TBCE: variants seen among roughly 807,000 people sequenced by gnomAD.
TBCE encodes tubulin-specific chaperone E.
In TBCE, 53 loss-of-function variants were observed where a neutral mutation model predicts 77.0. That is an observed-to-expected ratio of 0.69 (90% CI 0.55 to 0.87). The LOEUF (loss-of-function observed/expected upper bound fraction) is 0.87, where lower values mean the gene tolerates loss of function less well. Ranked by LOEUF, TBCE falls within the 40% of genes least tolerant of loss-of-function variation. The pLI is 0.00. For synonymous variants in TBCE, 235 were observed against 241.3 expected (o/e 0.97, Z 0.24); for missense variants, 624 against 622.4 (o/e 1.00, Z -0.03).
intron 11 of TBCE, 109 bp from the exon 12 acceptor site, chr1:235,437,213 C>T (rs1681518257): frequency 2.2e-6 from 3 of 1,360,770 alleles, no homozygotes; most frequent in Non-Finnish European, 3.1e-6. Flanking sequence ...GATGAAATTC[C>T]CTGCCTCAGA....
At chr1:235,374,461 A>G (rs890138757) in intron 1 of TBCE, among the ~76,000 whole-genome samples, 1 of 145,976 alleles carries the variant, frequency 6.9e-6, no homozygotes. Flanking sequence ...TGAAGACAGG[A>G]AGCAGGGAAA....
chr1:235,431,827 C>T (rs1681111236), intron 7 of TBCE, among the ~76,000 whole-genome samples: 1 of 151,236 alleles, frequency 6.6e-6, no homozygotes, highest in Non-Finnish European at 1.5e-5. Context: ...CATGTACCAC[C>T]ATGCCCAGCT....
At chr1:235,420,584 G>A (rs1221868920) in intron 5 of TBCE, among the ~76,000 whole-genome samples, 3 of 149,592 alleles carry the variant, frequency 2.0e-5, no homozygotes, top group Admixed American at 1.4e-4. Context: ...CCGGGTTCAA[G>A]CAATTCTCCT....
At chr1:235,388,151 T>C (rs1361401787) in intron 2 of TBCE, among the ~76,000 whole-genome samples, 1 of 152,164 alleles carries the variant, frequency 6.6e-6, no homozygotes, top group Non-Finnish European at 1.5e-5. Context: ...AATAACAACC[T>C]TAAAATATAG....
intron 1 of TBCE, among the ~76,000 whole-genome samples, chr1:235,369,780 C>T (rs1035009558): frequency 1.0e-4 from 15 of 150,674 alleles, no homozygotes; most frequent in African/African-American, 3.4e-4. Context: ...TGCAGTGAGC[C>T]GAGATTGTGC....
intron 2 of TBCE, among the ~76,000 whole-genome samples, chr1:235,395,631 G>A (rs188304530): frequency 1.1e-4 from 17 of 150,698 alleles, no homozygotes; most frequent in Admixed American, 1.0e-3. Flanking sequence ...AGCAACCTCC[G>A]CCTCCTGGGT....
intron 13 of TBCE, 49 bp from the exon 14 acceptor site, chr1:235,441,765 T>G (rs753778541): frequency 6.5e-7 from 1 of 1,546,276 alleles, no homozygotes; most frequent in Admixed American, 1.7e-5. Context: ...TTGTTTTTAC[T>G]TATAGTGGCC....
intron 4 of TBCE, among the ~76,000 whole-genome samples, chr1:235,416,344 T>A (rs541643280): frequency 2.0e-5 from 3 of 151,880 alleles, no homozygotes; most frequent in Admixed American, 2.0e-4. Context: ...AAACCCTGTC[T>A]CTACAAAAAA....
At chr1:235,424,502 GT>G (rs1031236846) in intron 5 of TBCE, among the ~76,000 whole-genome samples, 48 of 137,918 alleles carry the variant, frequency 3.5e-4, no homozygotes, top group South Asian at 4.7e-4. Context: ...TTTTGTTTTT[GT>G]TTTTTTTTTT....
At chr1:235,444,283 C>CTA (rs1417001744) in intron 15 of TBCE, among the ~76,000 whole-genome samples, 1 of 152,210 alleles carries the variant, frequency 6.6e-6, no homozygotes, top group Non-Finnish European at 1.5e-5. Context: ...TTGGCTACTG[C>CTA]TATATAATGG....
In TBCE at chr1:235,448,741, T is replaced by TTGTC; in HGVS notation, c.1565_1568dup (p.Leu524SerfsTer10). 1 of 1,613,634 alleles carries TTGTC rather than the reference T, an allele frequency of 6.2e-7. No homozygotes were observed. On this transcript the variant is annotated frameshift_variant, in exon 17 of 17. Transcript: ENST00000642610. LOFTEE classifies it high-confidence loss of function. ...AGTTTTATTCTGTGGAAAATGGAGATTGTCTATTAGTGCGATGGTGACAAC... is the reference window on the plus strand; with the variant it reads ...AGTTTTATTCTGTGGAAAATGGAGATTGTCTGTCTATTAGTGCGATGGTGACAAC...
At chr1:235,372,446 T>G (rs1572303146) in intron 1 of TBCE, among the ~76,000 whole-genome samples, 1 of 152,342 alleles carries the variant, frequency 6.6e-6, no homozygotes, top group South Asian at 2.1e-4. Context: ...AAATCAAAGC[T>G]GTTTTTAGCT....
In TBCE at chr1:235,414,527, G is replaced by A. The variant is rs1251923953; in HGVS notation, c.280G>A (p.Gly94Arg). ...AIKNRYVLED[G>R]PEEDRKEQIV... ...TAAGAACCGCTATGTGTTAGAAGAT[G>A]GACCAGAGGAAGATAGAAAAGAGCA... The change falls in exon 4 of 17, where the codon GGA (glycine) becomes AGA (arginine). Residue 94 changes from glycine (G) to arginine (R), a missense_variant. Gly to Arg is a moderately radical substitution (Grantham distance 125, BLOSUM62 -2). Transcript: ENST00000642610. 22 of 1,613,726 alleles carry A rather than the reference G, an allele frequency of 1.4e-5. No individual in the cohort carries two copies. The highest frequency in any genetic ancestry group is 1.8e-5 in the Non-Finnish European group (21 of 1,179,932).
Position 235,432,958 on chromosome 1 carries a change from T to C in TBCE, c.661-1246T>C, listed in dbSNP as rs778690749. 2.7e-5 allele frequency: 39 copies of C among 1,436,524 alleles called. 1 individual carries two copies. In the South Asian group the frequency reaches 5.6e-4, roughly 21 times the overall value. 89.0% of individuals were successfully genotyped at this position (1,436,524 alleles called of 1,614,324 possible). On this transcript the variant is annotated intron_variant, in intron 7 of 16. Coordinates refer to ENST00000642610, the MANE Select transcript of TBCE (RefSeq NM_003193.5). ...AAAAAAAAATTAGGCTCATGCGCAG[T>C]GTGGTGGCAGCAGGCACGGTCTCGA...
chr1:235,380,625 ATTTC>A (rs1289394069), intron 2 of TBCE, among the ~76,000 whole-genome samples: 3 of 151,508 alleles, frequency 2.0e-5, no homozygotes, highest in Non-Finnish European at 4.4e-5. Flanking sequence ...ATTTTGCAAT[ATTTC>A]TTCTTTTTTT....
intron 5 of TBCE, among the ~76,000 whole-genome samples, chr1:235,421,773 C>T (rs189046649): frequency 2.0e-5 from 3 of 152,230 alleles, no homozygotes; most frequent in Non-Finnish European, 4.4e-5. Context: ...AAGGTCTTTC[C>T]CCAATTCATT....
At chr1:235,395,187 G>A (rs1374632181) in intron 2 of TBCE, among the ~76,000 whole-genome samples, 1 of 152,182 alleles carries the variant, frequency 6.6e-6, no homozygotes, top group African/African-American at 2.4e-5. Context: ...AAATACCAAG[G>A]AGGATGATTT....
At chr1:235,418,061 C>A (rs1242325641) in intron 4 of TBCE, among the ~76,000 whole-genome samples, 2 of 152,212 alleles carry the variant, frequency 1.3e-5, no homozygotes, top group African/African-American at 4.8e-5. Context: ...GGATTACAGG[C>A]ATAAGCCACT....
In TBCE at chr1:235,437,415, A is replaced by G. The variant is rs747019054; in HGVS notation, c.1057A>G (p.Thr353Ala). ...PLTKEDKEAETARLLIIASIG... is the reference protein window; with the variant it reads ...PLTKEDKEAEAARLLIIASIG... Reference sequence around the variant, plus strand: ...GACCAAAGAGGACAAAGAAGCAGAGACGGCGCGACTACTCATTATCGCCAG... The same window carrying G: ...GACCAAAGAGGACAAAGAAGCAGAGGCGGCGCGACTACTCATTATCGCCAG... Residue 353 changes from threonine to alanine, a missense_variant, in exon 12 of 17, where the codon ACG (threonine) becomes GCG (alanine). By Grantham distance (58) the Thr-to-Ala change is moderately conservative. Coordinates refer to ENST00000642610, the MANE Select transcript of TBCE (RefSeq NM_003193.5). 1.2e-6 allele frequency: 2 copies of G among 1,614,160 alleles called. No homozygotes were observed. The highest frequency in any genetic ancestry group is 2.2e-5 in the South Asian group (2 of 91,082).
Sources: allele counts gnomAD v4.1 joint callset (sites outside exome capture counted in the v4.1 genomes callset), GRCh38; gene constraint gnomAD v4.1.1; transcripts MANE v1.5; gene names NCBI Gene and HGNC (gene_info 2026-07-23, HGNC 2026-07-21).